Variants in ZNF280C observed in about 807,000 individuals in gnomAD.
The protein encoded by ZNF280C is suppressor of hairy wing homolog 3.
A neutral mutation model predicts 53.6 loss-of-function variants in ZNF280C; 14 were observed. The observed-to-expected ratio is 0.26, with a 90% CI of 0.17 to 0.41. The LOEUF (loss-of-function observed/expected upper bound fraction) is 0.41, where lower values mean the gene tolerates loss of function less well. Among genes scored for constraint, ZNF280C ranks in the 10% least tolerant of loss-of-function variants. The probability of loss-of-function intolerance (pLI) is 1.00; values close to 1 mark genes in which losing one functional copy is unlikely to be tolerated. For missense variants in ZNF280C, 416 were observed against 547.1 expected (o/e 0.76, Z 2.39); for synonymous variants, 203 against 181.1 (o/e 1.12, Z -0.97).
In ZNF280C at chrX:130,203,477, A is replaced by C. The variant is rs961287987; in HGVS notation, c.*1500T>G. On this transcript the variant is annotated 3_prime_UTR_variant, in exon 19 of 19. Transcript: ENST00000370978. ...CGAGACCATCCTGGCTAACATGGTG[A>C]AACCCTGTCTCTACTAAAAATACAA... is the stretch of plus-strand genomic sequence containing the variant. 2 of 111,044 alleles carry C rather than the reference A, an allele frequency of 1.8e-5. No individual in the cohort carries two copies. The highest frequency in any genetic ancestry group is 6.6e-5 in the African/African-American group (2 of 30,523). The allele number at this position is 111,044 out of a possible 1,213,427, so 9.2% of individuals were successfully genotyped here. A position where few individuals can be genotyped will look rare whatever the true frequency, so the allele number is the denominator to read the frequency against.
Position 130,227,792 on chromosome X carries a change from G to GA in ZNF280C, c.1148-11dup. 3.0e-6 allele frequency: 3 copies of GA among 1,005,454 alleles called. No individual in the cohort carries two copies. The highest frequency in any genetic ancestry group is 4.2e-6 in the Non-Finnish European group (3 of 715,478). The allele number at this position is 1,005,454 out of a possible 1,213,427, so 82.9% of individuals were successfully genotyped here. A position where few individuals can be genotyped will look rare whatever the true frequency, so the allele number is the denominator to read the frequency against. On this transcript the variant is annotated splice_polypyrimidine_tract_variant and intron_variant, in intron 10 of 18. Transcript: ENST00000370978. ...CAGATTTTGCAAATAGCTGAAAGTG[G>GA]AAAAAAACACATTATACCATTTAAG...
At chrX:130,214,415 T>C (rs896655916) in intron 15 of ZNF280C, among the ~76,000 whole-genome samples, 7 of 111,382 alleles carry the variant, frequency 6.3e-5, no homozygotes, top group African/African-American at 2.3e-4. Flanking sequence ...TAAAGACAAA[T>C]GGACAGACAG....
At chrX:130,244,777 TA>T (rs58124928) in intron 3 of ZNF280C, among the ~76,000 whole-genome samples, 3,112 of 65,408 alleles carry the variant, frequency 0.048, 158 homozygotes, top group East Asian at 0.32. Flanking sequence ...GACTCCATCT[TA>T]AAAAAAAAAA....
At position 130,256,407 on chromosome X, in the gene ZNF280C, C is replaced by G. The variant is rs182019889; in HGVS notation, c.31+4012G>C. On this transcript the variant is annotated intron_variant, in intron 2 of 18. Coordinates refer to ENST00000370978, the MANE Select transcript of ZNF280C (RefSeq NM_017666.5). ...TTAGATTACCTGACAAGTTTCAGTGCAGGAAAAGTGAATTAAGAGGCCATG... is the reference window on the plus strand; with the variant it reads ...TTAGATTACCTGACAAGTTTCAGTGGAGGAAAAGTGAATTAAGAGGCCATG... 1.2e-3 allele frequency among the ~76,000 whole-genome samples: 137 copies of G among 111,736 alleles called. 1 individual carries two copies. The highest frequency in any genetic ancestry group is 4.4e-3 in the African/African-American group (135 of 30,727).
chrX:130,222,488 T>C (rs1006016007), intron 12 of ZNF280C, among the ~76,000 whole-genome samples: 1 of 111,788 alleles, frequency 8.9e-6, no homozygotes, highest in African/African-American at 3.3e-5. Flanking sequence ...AGAGTACAAA[T>C]GAGCAGCAGG....
At chrX:130,247,154 CT>C in intron 2 of ZNF280C, 149 bp from the exon 3 acceptor site, 1 of 612,718 alleles carries the variant, frequency 1.6e-6, no homozygotes, top group Non-Finnish European at 2.4e-6. Context: ...CAGAGTTTTG[CT>C]TTTGTTGCCC....
chrX:130,203,635 C>T lies in ZNF280C; in HGVS notation c.*1342G>A. ...CCAAGATCGCGCCACTGCACTCCAG[C>T]CTGGGTGACAGAGCAAGACTCTGTC... On this transcript the variant is annotated 3_prime_UTR_variant, in exon 19 of 19. Coordinates refer to ENST00000370978, the MANE Select transcript of ZNF280C (RefSeq NM_017666.5). 1 of 111,386 alleles carries T rather than the reference C, an allele frequency of 9.0e-6. No homozygotes were observed. The highest frequency in any genetic ancestry group is 1.9e-5 in the Non-Finnish European group (1 of 53,043). The allele number at this position is 111,386 out of a possible 1,213,427, so 9.2% of individuals were successfully genotyped here.
chrX:130,233,212 G>T (rs1207254189), intron 8 of ZNF280C, among the ~76,000 whole-genome samples: 2 of 111,364 alleles, frequency 1.8e-5, no homozygotes, highest in Non-Finnish European at 3.8e-5. Flanking sequence ...AGGGGAAAAT[G>T]GGAAGGTATT....
intron 2 of ZNF280C, among the ~76,000 whole-genome samples, chrX:130,255,008 GAC>G (rs982236063): frequency 1.0e-5 from 1 of 99,183 alleles, no homozygotes; most frequent in African/African-American, 3.8e-5. Flanking sequence ...ATTATATAAA[GAC>G]AGCCAAAATT....
intron 12 of ZNF280C, among the ~76,000 whole-genome samples, chrX:130,224,605 C>T (rs1474251402): frequency 1.8e-5 from 2 of 111,760 alleles, no homozygotes; most frequent in Non-Finnish European, 3.8e-5. Context: ...CAGGCGCCAA[C>T]TTCTAAGAGC....
At chrX:130,229,569 G>T (rs1292350747) in intron 9 of ZNF280C, among the ~76,000 whole-genome samples, 2 of 112,297 alleles carry the variant, frequency 1.8e-5, no homozygotes, top group African/African-American at 6.5e-5. Context: ...GGTTTCAGCT[G>T]CTCAAAAGAC....
intron 2 of ZNF280C, among the ~76,000 whole-genome samples, chrX:130,256,545 C>T (rs1030473043): frequency 2.8e-5 from 3 of 107,977 alleles, no homozygotes; most frequent in Non-Finnish European, 5.8e-5. Flanking sequence ...GCCAAGACTG[C>T]GCCACTGCAC....
chrX:130,231,271 G>A (rs1234748117), intron 8 of ZNF280C, among the ~76,000 whole-genome samples: 1 of 111,592 alleles, frequency 9.0e-6, no homozygotes. Flanking sequence ...TATGTTCATT[G>A]CAGCACTATT....
chrX:130,215,764 T>G (rs780989352), intron 14 of ZNF280C, 27 bp downstream of exon 14: 2 of 1,122,909 alleles, frequency 1.8e-6, no homozygotes, highest in South Asian at 4.2e-5. Context: ...TAAATTTGTA[T>G]TGTATATCAG....
At chrX:130,223,300 C>T (rs1338179716) in intron 12 of ZNF280C, among the ~76,000 whole-genome samples, 2 of 111,906 alleles carry the variant, frequency 1.8e-5, no homozygotes, top group African/African-American at 6.5e-5. Flanking sequence ...TCAGGTGATC[C>T]GCCTGCCTTG....
chrX:130,220,281 A>T (rs1360392984), intron 13 of ZNF280C, 68 bp downstream of exon 13: 1 of 263,279 alleles, frequency 3.8e-6, no homozygotes, highest in Non-Finnish European at 4.7e-6. Flanking sequence ...TATCCATAAT[A>T]AAAAAAAAAA....
In ZNF280C at chrX:130,226,745, C is replaced by A. The variant is rs764886088; in HGVS notation, c.1395+14G>T. ...CTAAGACAACATGAACAAATAAGAACTGCTTAATCTCACCTGATGCTTCAT... is the reference window on the plus strand; with the variant it reads ...CTAAGACAACATGAACAAATAAGAAATGCTTAATCTCACCTGATGCTTCAT... On this transcript the variant is annotated intron_variant, in intron 12 of 18. Coordinates refer to ENST00000370978, the MANE Select transcript of ZNF280C (RefSeq NM_017666.5). 1 of 1,198,518 alleles carries A rather than the reference C, an allele frequency of 8.3e-7. No homozygotes were observed.
At chrX:130,236,345 G>GACTCAAATCCATCTTTTTAAA in intron 7 of ZNF280C, 25 bp from the exon 8 acceptor site, 5 of 1,153,165 alleles carry the variant, frequency 4.3e-6, no homozygotes, top group Non-Finnish European at 5.8e-6. Context: ...GAACTTTTAA[G>GACTCAAATCCATCTTTTTAAA]ACTCAAATCC....
chrX:130,254,564 G>A (rs1437552988), intron 2 of ZNF280C, among the ~76,000 whole-genome samples: 1 of 112,095 alleles, frequency 8.9e-6, no homozygotes, highest in Non-Finnish European at 1.9e-5. Flanking sequence ...ACACCATGGA[G>A]AACTTTGCAG....
Sources: gnomAD v4.1 joint callset for allele counts (sites outside exome capture counted in the v4.1 genomes callset) on GRCh38, gnomAD v4.1.1 for gene constraint, MANE v1.5 for transcripts, NCBI Gene and HGNC (gene_info 2026-07-23, HGNC 2026-07-21) for gene names.